RUNX1: variants seen among roughly 807,000 people sequenced by gnomAD.
RUNX1 encodes runt-related transcription factor 1.
In RUNX1, 19 loss-of-function variants were observed where a neutral mutation model predicts 42.8. The observed-to-expected ratio is 0.44, with a 90% confidence interval of 0.31 to 0.65. RUNX1 has a LOEUF of 0.65. RUNX1 is among the 30% of genes least tolerant of loss of function. The probability of loss-of-function intolerance (pLI) is 0.07; values close to 1 mark genes in which losing one functional copy is unlikely to be tolerated. For synonymous variants in RUNX1, 271 were observed against 289.4 expected, an observed-to-expected ratio of 0.94 and a Z score of 0.64; for missense variants, 528 against 672.0, an observed-to-expected ratio of 0.79 and a Z score of 2.37.
At chr21:35,028,669 G>A (rs188326442) in intron 2 of RUNX1, among the ~76,000 whole-genome samples, 2 of 152,324 alleles carry the variant, frequency 1.3e-5, no homozygotes, top group African/African-American at 4.8e-5. Context: ...TCCCTGACCA[G>A]ACAGTAAGTT....
chr21:34,942,643 G>A (rs2058536112), intron 2 of RUNX1, among the ~76,000 whole-genome samples: 1 of 152,214 alleles, frequency 6.6e-6, no homozygotes, highest in Admixed American at 6.5e-5. Flanking sequence ...TGGGAAGGGT[G>A]AGTGGGGATT....
chr21:35,041,016 G>A (rs8128821), intron 2 of RUNX1, among the ~76,000 whole-genome samples: 1,579 of 152,222 alleles, frequency 0.01, 22 homozygotes, highest in African/African-American at 0.035. Flanking sequence ...CAAGACCCAC[G>A]TACCTCCCAA....
chr21:34,946,066 T>C (rs1019566381), intron 2 of RUNX1, among the ~76,000 whole-genome samples: 6 of 152,202 alleles, frequency 3.9e-5, no homozygotes, highest in African/African-American at 1.4e-4. Flanking sequence ...CATTCTACCT[T>C]CACTATAACA....
intron 2 of RUNX1, among the ~76,000 whole-genome samples, chr21:35,004,620 T>C (rs2146887920): frequency 6.6e-6 from 1 of 152,322 alleles, no homozygotes; most frequent in East Asian, 1.9e-4. Flanking sequence ...TCATTTAATT[T>C]TCCCAAATGG....
intron 5 of RUNX1, among the ~76,000 whole-genome samples, chr21:34,861,509 G>A (rs2057575097): frequency 6.6e-6 from 1 of 152,180 alleles, no homozygotes; most frequent in African/African-American, 2.4e-5. Flanking sequence ...AAGAACCCAT[G>A]AAGGTTATCA....
chr21:34,814,130 C>T (rs1192619396), intron 7 of RUNX1, among the ~76,000 whole-genome samples: 9 of 152,168 alleles, frequency 5.9e-5, no homozygotes, highest in Non-Finnish European at 1.2e-4. Flanking sequence ...TCTGTGAGAT[C>T]CTGAGCTTGG....
chr21:34,897,322 G>A (rs1213576622), intron 2 of RUNX1, among the ~76,000 whole-genome samples: 4 of 152,192 alleles, frequency 2.6e-5, no homozygotes, highest in Non-Finnish European at 5.9e-5. Flanking sequence ...GGGGGTTCCT[G>A]CTAATTGTAT....
intron 2 of RUNX1, among the ~76,000 whole-genome samples, chr21:34,943,401 A>T (rs868076509): frequency 1.3e-5 from 2 of 152,182 alleles, no homozygotes; most frequent in Non-Finnish European, 2.9e-5. Flanking sequence ...CAATAACTCA[A>T]CAAAGGATGC....
chr21:34,880,708 C>T lies in RUNX1; in HGVS notation c.357G>A (p.Val119=). Residue 119 remains valine, a synonymous_variant, in exon 5 of 9, where the codon GTG becomes GTA. Coordinates refer to ENST00000675419, the MANE Select transcript of RUNX1 (RefSeq NM_001754.5). ...NKTLPIAFKV[V]ALGDVPDGTL... is the part of the protein sequence containing the mutation. ...TGCCATCTGGAACATCCCCTAGGGC[C>T]ACCACCTAAACACCAGTCAAAGGAC... The T allele has an allele frequency of 6.2e-7, 1 of 1,614,088 alleles. No individual in the cohort carries two copies. Among genetic ancestry groups the T allele is most frequent in the Non-Finnish European group, 8.5e-7 (1 of 1,179,984 alleles).
At chr21:34,886,228 C>G (rs1027331332) in intron 4 of RUNX1, among the ~76,000 whole-genome samples, 1 of 152,198 alleles carries the variant, frequency 6.6e-6, no homozygotes, top group Non-Finnish European at 1.5e-5. Context: ...TCGATACTTG[C>G]GGCTTCTGGC....
At chr21:34,989,041 C>T (rs1203899462) in intron 2 of RUNX1, among the ~76,000 whole-genome samples, 1 of 151,016 alleles carries the variant, frequency 6.6e-6, no homozygotes, top group African/African-American at 2.5e-5. Flanking sequence ...TGGAGTTTCA[C>T]TCTGTTGCCC....
chr21:35,030,357 A>C (rs1460837500), intron 2 of RUNX1, among the ~76,000 whole-genome samples: 1 of 152,068 alleles, frequency 6.6e-6, no homozygotes, highest in Non-Finnish European at 1.5e-5. Flanking sequence ...AAAAATAAAA[A>C]ATAAAAAAAC....
intron 2 of RUNX1, among the ~76,000 whole-genome samples, chr21:34,984,270 C>G (rs1038568439): frequency 6.6e-6 from 1 of 152,116 alleles, no homozygotes; most frequent in Admixed American, 6.6e-5. Context: ...GAAATCATCA[C>G]AGTGTGAAAA....
intron 2 of RUNX1, among the ~76,000 whole-genome samples, chr21:35,034,762 G>A (rs1016074085): frequency 7.2e-5 from 11 of 152,216 alleles, no homozygotes; most frequent in African/African-American, 2.4e-4. Context: ...TCTGGTGTGA[G>A]CAGAGGGCAG....
chr21:34,928,509 C>T (rs986460423), intron 2 of RUNX1, among the ~76,000 whole-genome samples: 6 of 151,992 alleles, frequency 3.9e-5, no homozygotes, highest in East Asian at 1.9e-4. Context: ...GCCTGGCCAA[C>T]GTGGTGAAAC....
At chr21:34,969,119 T>C (rs1331931112) in intron 2 of RUNX1, among the ~76,000 whole-genome samples, 3 of 152,226 alleles carry the variant, frequency 2.0e-5, no homozygotes, top group Non-Finnish European at 4.4e-5. Context: ...GTCTGCTTAA[T>C]GGCCCAAACC....
In RUNX1 at chr21:35,038,976, A is replaced by T. The variant is rs1172406187; in HGVS notation, c.58+9866T>A. On this transcript the variant is annotated intron_variant, in intron 2 of 8. Coordinates refer to ENST00000675419, the MANE Select transcript of RUNX1 (RefSeq NM_001754.5). Reference sequence around the variant, plus strand: ...TGGGCAGGCACATGGTGGGTGCTTAACCAAGGTGGTGCTGGATTTTGGGGA... The same window carrying T: ...TGGGCAGGCACATGGTGGGTGCTTATCCAAGGTGGTGCTGGATTTTGGGGA... 3.8e-5 allele frequency: 13 copies of T among 337,950 alleles called. No homozygotes were observed. The East Asian group carries it at 1.0e-3, about 27-fold the overall frequency. 20.9% of individuals were successfully genotyped at this position (337,950 alleles called of 1,614,324 possible).
intron 2 of RUNX1, among the ~76,000 whole-genome samples, chr21:35,011,157 A>C (rs1275124738): frequency 2.0e-5 from 3 of 152,206 alleles, no homozygotes; most frequent in African/African-American, 7.2e-5. Flanking sequence ...GAGATATTTC[A>C]TGGCAAAGTT....
chr21:34,837,633 C>T (rs2057167424), intron 6 of RUNX1, among the ~76,000 whole-genome samples: 1 of 152,190 alleles, frequency 6.6e-6, no homozygotes. Context: ...TGGAAAATGT[C>T]TACTATCCAA....
Sources: gnomAD v4.1 joint callset for allele counts (sites outside exome capture counted in the v4.1 genomes callset) on GRCh38, gnomAD v4.1.1 for gene constraint, MANE v1.5 for transcripts, NCBI Gene and HGNC (gene_info 2026-07-23, HGNC 2026-07-21) for gene names.